Variants in CSNK2A2 observed in about 807,000 individuals in gnomAD.
CSNK2A2 encodes casein kinase 2 alpha 2, also known as casein kinase II subunit alpha'.
Under a neutral mutation model 54.0 loss-of-function variants are expected in CSNK2A2, and 8 were observed. That is an observed-to-expected ratio of 0.15 (90% CI 0.09 to 0.27). The LOEUF (loss-of-function observed/expected upper bound fraction) is 0.27. Among genes scored for constraint, CSNK2A2 ranks in the 10% least tolerant of loss-of-function variants. The probability of loss-of-function intolerance (pLI) is 1.00; values close to 1 mark genes in which losing one functional copy is unlikely to be tolerated. For synonymous variants in CSNK2A2, 141 were observed against 153.9 expected (o/e 0.92, Z 0.62); for missense variants, 242 against 439.4 (o/e 0.55, Z 4.02).
intron 2 of CSNK2A2, among the ~76,000 whole-genome samples, chr16:58,192,286 C>T (rs1288065315): frequency 6.6e-6 from 1 of 152,086 alleles, no homozygotes; most frequent in East Asian, 1.9e-4. Flanking sequence ...CTATCTGGAG[C>T]CCTGCTTTAT....
intron 11 of CSNK2A2, chr16:58,162,893 G>A (rs1183290394): frequency 6.6e-6 from 1 of 152,148 alleles, no homozygotes; most frequent in Admixed American, 6.5e-5. Context: ...CCTCTGAGTT[G>A]CTTGAGTTTC....
Position 58,184,317 on chromosome 16 carries a change from A to G in CSNK2A2, c.319-7T>C. 1.3e-6 allele frequency: 2 copies of G among 1,579,466 alleles called. No homozygotes were observed. Among genetic ancestry groups the G allele is most frequent in the Non-Finnish European group, 1.7e-6 (2 of 1,151,810 alleles). On this transcript the variant is annotated splice_region_variant and splice_polypyrimidine_tract_variant and intron_variant, in intron 3 of 11. Coordinates refer to ENST00000262506, the MANE Select transcript of CSNK2A2 (RefSeq NM_001896.4). The stretch of plus-strand genomic sequence containing the variant: ...CCAAAGCTGGTGTCTTTGACTGTAA[A>G]AGAGAATATTAATGCTTTTTAAGTA...
chr16:58,190,541 A>G (rs534685453), intron 2 of CSNK2A2, among the ~76,000 whole-genome samples: 19 of 152,350 alleles, frequency 1.2e-4, no homozygotes, highest in South Asian at 2.1e-4. Context: ...TATCTGAGCA[A>G]TGTTATTTCA....
chr16:58,193,323 CTACT>C lies in CSNK2A2; in HGVS notation c.216+3406_216+3409del, dbSNP rs567566329. 3.8e-3 allele frequency among the ~76,000 whole-genome samples: 574 copies of C among 152,294 alleles called. 5 individuals are homozygous for C. The highest frequency in any genetic ancestry group is 0.013 in the African/African-American group (535 of 41,548). ...CCAATGCCCATCCTTTTAACACTAC[CTACT>C]GACAACACAGAACTTAAAAAATATC... On this transcript the variant is annotated intron_variant, in intron 2 of 11. Transcript: ENST00000262506.
chr16:58,161,652 T>C (rs1325091282), intron 11 of CSNK2A2: 1 of 151,758 alleles, frequency 6.6e-6, no homozygotes, highest in African/African-American at 2.4e-5. Context: ...TCGGGGGAGC[T>C]AGGTTTGGAA....
At chr16:58,186,993 G>T in intron 2 of CSNK2A2, 137 bp from the exon 3 acceptor site, 1 of 622,306 alleles carries the variant, frequency 1.6e-6, no homozygotes, top group Non-Finnish European at 2.7e-6. Flanking sequence ...GCCTAAATTT[G>T]AAAAAACTGA....
intron 3 of CSNK2A2, among the ~76,000 whole-genome samples, chr16:58,186,249 A>T (rs957671827): frequency 6.6e-6 from 1 of 152,250 alleles, no homozygotes; most frequent in African/African-American, 2.4e-5. Context: ...TACACATGTG[A>T]CATGAGCCCT....
At chr16:58,185,133 T>G (rs1962156530) in intron 3 of CSNK2A2, among the ~76,000 whole-genome samples, 1 of 151,642 alleles carries the variant, frequency 6.6e-6, no homozygotes, top group Non-Finnish European at 1.5e-5. Context: ...TGGGAGAAAG[T>G]AGGGACTTAA....
chr16:58,182,485 G>C (rs1191279748), intron 4 of CSNK2A2, among the ~76,000 whole-genome samples: 3 of 149,884 alleles, frequency 2.0e-5, no homozygotes, highest in African/African-American at 4.9e-5. Context: ...AACCTGGGAG[G>C]GGGAGGTTGC....
intron 2 of CSNK2A2, among the ~76,000 whole-genome samples, chr16:58,195,465 C>A (rs1168562369): frequency 6.6e-6 from 1 of 152,022 alleles, no homozygotes; most frequent in African/African-American, 2.4e-5. Flanking sequence ...GCTGCCCTAG[C>A]ACACAGAAAC....
chr16:58,180,837 ATACTT>A (rs759742417), intron 4 of CSNK2A2, among the ~76,000 whole-genome samples: 15 of 152,210 alleles, frequency 9.9e-5, no homozygotes, highest in Non-Finnish European at 2.1e-4. Context: ...AGTTATTAAT[ATACTT>A]TACACTAAAA....
At chr16:58,182,988 T>C (rs1962097460) in intron 4 of CSNK2A2, among the ~76,000 whole-genome samples, 1 of 152,212 alleles carries the variant, frequency 6.6e-6, no homozygotes, top group Non-Finnish European at 1.5e-5. Context: ...AACTTCCTTA[T>C]TGTTTTATAA....
At position 58,165,573 on chromosome 16, in the gene CSNK2A2, C is replaced by T; in HGVS notation, c.963G>A (p.Glu321=). 3 of 1,612,790 alleles carry T rather than the reference C, an allele frequency of 1.9e-6. No individual in the cohort carries two copies. The highest frequency in any genetic ancestry group is 1.7e-6 in the Non-Finnish European group (2 of 1,179,570). The change falls in exon 10 of 12, where the codon GAG becomes GAA. Residue 321 remains glutamate, a synonymous_variant. Transcript: ENST00000262506. Reference sequence around the variant, plus strand: ...CTGGAGACTCACAGAAGTATGGGTGCTCCATGGCCTCTTTGGCAGTCAGTC... The same window carrying T: ...CTGGAGACTCACAGAAGTATGGGTGTTCCATGGCCTCTTTGGCAGTCAGTC... The part of the protein sequence containing the change: ...QQRLTAKEAM[E]HPYFYPVVKE...
intron 4 of CSNK2A2, among the ~76,000 whole-genome samples, chr16:58,175,109 G>T (rs1336223389): frequency 6.6e-6 from 1 of 152,164 alleles, no homozygotes; most frequent in African/African-American, 2.4e-5. Flanking sequence ...CATTTCACAG[G>T]CAACACCTGA....
At chr16:58,174,344 C>G (rs1961820596) in intron 5 of CSNK2A2, 107 bp downstream of exon 5, 1 of 732,424 alleles carries the variant, frequency 1.4e-6, no homozygotes, top group African/African-American at 1.8e-5. Context: ...TCACTAAATC[C>G]TCTGGGTATC....
In CSNK2A2 at chr16:58,157,979, A is replaced by G. The variant is rs1333066885; in HGVS notation, c.*392T>C. 1 of 152,580 alleles carries G rather than the reference A, an allele frequency of 6.6e-6. No homozygotes were observed. The highest frequency in any genetic ancestry group is 1.9e-4 in the East Asian group (1 of 5,198). 9.5% of individuals were successfully genotyped at this position (152,580 alleles called of 1,614,324 possible). A position where few individuals can be genotyped will look rare whatever the true frequency, so the allele number is the denominator to read the frequency against. Reference sequence around the variant, plus strand: ...ATATGTAACTGCCGCCATGCCACATACTGCGCCCGTCCCCCCACTGTGGAG... The same window carrying G: ...ATATGTAACTGCCGCCATGCCACATGCTGCGCCCGTCCCCCCACTGTGGAG... On this transcript the variant is annotated 3_prime_UTR_variant, in exon 12 of 12. Coordinates refer to ENST00000262506, the MANE Select transcript of CSNK2A2 (RefSeq NM_001896.4).
intron 11 of CSNK2A2, 41 bp downstream of exon 11, chr16:58,164,013 T>C: frequency 6.8e-7 from 1 of 1,462,600 alleles, no homozygotes; most frequent in Non-Finnish European, 9.5e-7. Flanking sequence ...GGTTTGTGTT[T>C]GGTTGGTTGG....
At chr16:58,184,164 G>A in intron 4 of CSNK2A2, 96 bp downstream of exon 4, 1 of 889,278 alleles carries the variant, frequency 1.1e-6, no homozygotes, top group Non-Finnish European at 1.7e-6. Flanking sequence ...TCTCACCAAT[G>A]ACAGCCCTGG....
intron 9 of CSNK2A2, 58 bp from the exon 10 acceptor site, chr16:58,165,766 C>G: frequency 6.4e-7 from 1 of 1,556,028 alleles, no homozygotes; most frequent in Non-Finnish European, 8.7e-7. Flanking sequence ...GAATCCTTAT[C>G]TACTAGGGCT....
Sources: gnomAD v4.1 joint callset for allele counts (sites outside exome capture counted in the v4.1 genomes callset) on GRCh38, gnomAD v4.1.1 for gene constraint, MANE v1.5 for transcripts, NCBI Gene and HGNC (gene_info 2026-07-23, HGNC 2026-07-21) for gene names.